LGSN: variants seen among roughly 807,000 people sequenced by gnomAD.
The protein encoded by LGSN is lengsin.
A neutral mutation model predicts 19.5 loss-of-function variants in LGSN; 21 were observed. The ratio of observed to expected loss-of-function variants is 1.07; its 90% CI spans 0.76 to 1.55. The LOEUF is 1.55. LGSN is among the 40% of genes most tolerant of loss of function. The pLI is 0.00. For synonymous variants in LGSN, 257 were observed against 215.6 expected (o/e 1.19, Z -1.68); for missense variants, 673 against 608.5 (o/e 1.11, Z -1.12).
intron 2 of LGSN, among the ~76,000 whole-genome samples, chr6:63,291,833 G>A (rs754250024): frequency 3.3e-5 from 5 of 152,106 alleles, no homozygotes; most frequent in Non-Finnish European, 7.4e-5. Flanking sequence ...ATGTTAAATT[G>A]CATGGCAAAA....
the LGSN span, among the ~76,000 whole-genome samples, chr6:63,471,135 T>C: frequency 6.9e-6 from 1 of 144,908 alleles, no homozygotes; most frequent in East Asian, 2.1e-4. Flanking sequence ...TTTTTGGTTG[T>C]TTTTTTTTGT....
At chr6:63,558,582 T>C in the LGSN span, among the ~76,000 whole-genome samples, 1 of 152,160 alleles carries the variant, frequency 6.6e-6, no homozygotes, top group South Asian at 2.1e-4. Context: ...CTAAACCATG[T>C]TGAATATGAG....
the LGSN span, among the ~76,000 whole-genome samples, chr6:63,503,855 G>T: frequency 6.6e-6 from 1 of 152,138 alleles, no homozygotes; most frequent in African/African-American, 2.4e-5. Context: ...GGTCAAGGCT[G>T]CAGTGAGCCA....
the LGSN span, among the ~76,000 whole-genome samples, chr6:63,569,242 C>T: frequency 5.9e-5 from 9 of 152,102 alleles, no homozygotes; most frequent in African/African-American, 2.2e-4. Context: ...TTTCCTCTTC[C>T]ATAAAAATAT....
chr6:63,293,787 G>C (rs746542491), intron 2 of LGSN: 2 of 456,672 alleles, frequency 4.4e-6, no homozygotes, highest in South Asian at 3.1e-5. Context: ...AGACTCAGCA[G>C]AGCCAGGTCC....
the LGSN span, among the ~76,000 whole-genome samples, chr6:63,534,618 GGCA>G: frequency 8.7e-3 from 1,329 of 152,040 alleles, 22 homozygotes; most frequent in African/African-American, 0.03. Flanking sequence ...AGTTAGCCCA[GGCA>G]ACGTAGCAAG....
the LGSN span, among the ~76,000 whole-genome samples, chr6:63,390,114 C>CTTTTTTTT: frequency 1.4e-5 from 1 of 74,068 alleles, no homozygotes; most frequent in Non-Finnish European, 2.7e-5. Context: ...TTCTTTCTTT[C>CTTTTTTTT]TTTCTTTTTT....
the LGSN span, among the ~76,000 whole-genome samples, chr6:63,371,542 T>C: frequency 6.6e-6 from 1 of 152,240 alleles, no homozygotes; most frequent in Non-Finnish European, 1.5e-5. Context: ...CATCTGGTGT[T>C]GATATTTCTG....
At chr6:63,568,386 T>A in the LGSN span, among the ~76,000 whole-genome samples, 2 of 152,208 alleles carry the variant, frequency 1.3e-5, no homozygotes, top group African/African-American at 4.8e-5. Context: ...GACTGGCCCA[T>A]CAGCGGAGCA....
At chr6:63,453,701 T>TG in the LGSN span, among the ~76,000 whole-genome samples, 1 of 152,226 alleles carries the variant, frequency 6.6e-6, no homozygotes, top group African/African-American at 2.4e-5. Context: ...TTGCCCAGGC[T>TG]GGAGTGCAGT....
At chr6:63,400,397 T>C in the LGSN span, among the ~76,000 whole-genome samples, 1 of 152,198 alleles carries the variant, frequency 6.6e-6, no homozygotes, top group East Asian at 1.9e-4. Context: ...ATAGCAGAGG[T>C]CCTACCAAAA....
At chr6:63,411,861 A>AG in the LGSN span, among the ~76,000 whole-genome samples, 2 of 152,154 alleles carry the variant, frequency 1.3e-5, no homozygotes, top group East Asian at 3.9e-4. Context: ...AAGAAAAAAA[A>AG]TTGTGCTAAA....
the LGSN span, among the ~76,000 whole-genome samples, chr6:63,463,625 T>G: frequency 6.6e-6 from 1 of 152,206 alleles, no homozygotes; most frequent in Non-Finnish European, 1.5e-5. Flanking sequence ...GTAAGAACTC[T>G]GGCATATTTA....
At chr6:63,499,083 C>G in the LGSN span, among the ~76,000 whole-genome samples, 4 of 152,202 alleles carry the variant, frequency 2.6e-5, no homozygotes, top group Admixed American at 2.6e-4. Context: ...TTTGTGTATA[C>G]ATTGTTTATG....
At chr6:63,348,549 T>G in the LGSN span, among the ~76,000 whole-genome samples, 1 of 152,102 alleles carries the variant, frequency 6.6e-6, no homozygotes, top group Non-Finnish European at 1.5e-5. Context: ...TCTATTTTGA[T>G]TTTTTAGTTA....
chr6:63,288,857 G>A (rs947681759), intron 2 of LGSN, among the ~76,000 whole-genome samples: 1 of 152,162 alleles, frequency 6.6e-6, no homozygotes, highest in African/African-American at 2.4e-5. Context: ...CCACCCTACT[G>A]ACCTAAGTTA....
At chr6:63,503,353 C>T in the LGSN span, among the ~76,000 whole-genome samples, 7 of 152,200 alleles carry the variant, frequency 4.6e-5, no homozygotes, top group African/African-American at 1.7e-4. Context: ...CAGACTTCAT[C>T]GCCTGGAAGT....
At chr6:63,292,827 T>A (rs568389409) in intron 2 of LGSN, among the ~76,000 whole-genome samples, 3 of 152,206 alleles carry the variant, frequency 2.0e-5, no homozygotes, top group Admixed American at 6.5e-5. Context: ...TTTCAGTGAG[T>A]TCAGTAAGTC....
chr6:63,353,819 T>C, the LGSN span, among the ~76,000 whole-genome samples: 1 of 152,016 alleles, frequency 6.6e-6, no homozygotes, highest in East Asian at 1.9e-4. Flanking sequence ...TGAAACAGAA[T>C]AGAGAACCTG....
Sources: allele counts gnomAD v4.1 joint callset (sites outside exome capture counted in the v4.1 genomes callset), GRCh38; gene constraint gnomAD v4.1.1; transcripts MANE v1.5; gene names NCBI Gene and HGNC (gene_info 2026-07-23, HGNC 2026-07-21).